Variants in WWOX observed in about 807,000 individuals in gnomAD.
WWOX encodes WW domain-containing oxidoreductase.
Under a neutral mutation model 46.2 loss-of-function variants are expected in WWOX, and 69 were observed. That is an observed-to-expected ratio of 1.49 (90% CI 1.23 to 1.82). WWOX has a LOEUF of 1.82. WWOX is among the 40% of genes most tolerant of loss of function. The pLI is 0.00. For missense variants in WWOX, 919 were observed against 542.6 expected, an observed-to-expected ratio of 1.69 and a Z score of -6.89; for synonymous variants, 359 against 202.6, an observed-to-expected ratio of 1.77 and a Z score of -6.56.
intron 8 of WWOX, among the ~76,000 whole-genome samples, chr16:78,699,454 T>C (rs753742580): frequency 6.6e-5 from 10 of 151,756 alleles, no homozygotes; most frequent in Non-Finnish European, 1.3e-4. Flanking sequence ...TGGGAAGATA[T>C]CCTGAGCCCA....
At chr16:78,157,153 G>C (rs978459987) in intron 4 of WWOX, among the ~76,000 whole-genome samples, 3 of 151,992 alleles carry the variant, frequency 2.0e-5, no homozygotes, top group Non-Finnish European at 2.9e-5. Flanking sequence ...ATTTCAAAGG[G>C]ACCCACAGTC....
At chr16:78,473,951 G>A (rs1169047331) in intron 8 of WWOX, among the ~76,000 whole-genome samples, 1 of 152,154 alleles carries the variant, frequency 6.6e-6, no homozygotes, top group African/African-American at 2.4e-5. Context: ...TTAATTCCTT[G>A]GAGGAACTTC....
intron 8 of WWOX, among the ~76,000 whole-genome samples, chr16:78,860,701 C>T (rs1454278244): frequency 3.3e-5 from 5 of 152,182 alleles, no homozygotes; most frequent in Non-Finnish European, 7.3e-5. Context: ...TTAGCAGTGC[C>T]AACATCCGCT....
chr16:78,566,751 C>G (rs1022248412), intron 8 of WWOX, among the ~76,000 whole-genome samples: 3 of 152,124 alleles, frequency 2.0e-5, no homozygotes, highest in Admixed American at 6.5e-5. Context: ...AGAATTCCTG[C>G]CAGAAAGGTG....
rs577414279 is a variant in WWOX at position 78,386,936 on chromosome 16, A to T, written c.593A>T (p.Lys198Met). The T allele has an allele frequency of 1.2e-6, 2 of 1,614,104 alleles. No homozygotes were observed. The highest frequency in any genetic ancestry group is 1.3e-5 in the African/African-American group (1 of 75,052). Residue 198 changes from lysine to methionine, a missense_variant, in exon 6 of 9, where the codon AAG becomes ATG. By Grantham distance (95) the Lys-to-Met change is moderately conservative. Coordinates refer to ENST00000566780, the MANE Select transcript of WWOX (RefSeq NM_016373.4). ...GTGCAGCATTTTGCTGAAGCATTCA[A>T]GGCCAAGAATGTGTGAGTGTTCCAG... ...RSVQHFAEAF[K>M]AKNVPLHVLV...
In WWOX at chr16:78,424,888, G is replaced by C. The variant is rs762427803; in HGVS notation, c.624G>C (p.Val208=). The part of the protein sequence containing the change: ...KAKNVPLHVL[V]CNAATFALPW... ...TTTTCAGGCCTCTTCATGTGCTTGT[G>C]TGCAACGCAGCAACTTTTGCTCTAC... The change falls in exon 7 of 9, where the codon GTG becomes GTC. Residue 208 remains valine (V), a synonymous_variant. Transcript: ENST00000566780. 8.1e-6 allele frequency: 13 copies of C among 1,614,100 alleles called. No homozygotes were observed. Among genetic ancestry groups the C allele is most frequent in the Non-Finnish European group, 1.1e-5 (13 of 1,180,030 alleles).
chr16:78,514,454 G>A (rs953557775), intron 8 of WWOX, among the ~76,000 whole-genome samples: 2 of 152,174 alleles, frequency 1.3e-5, no homozygotes, highest in Admixed American at 1.3e-4. Flanking sequence ...ATGTGTGGAG[G>A]TAAAAGCAGT....
chr16:79,093,129 A>G (rs143045373), intron 8 of WWOX, among the ~76,000 whole-genome samples: 1 of 152,372 alleles, frequency 6.6e-6, no homozygotes, highest in East Asian at 1.9e-4. Context: ...ACAAGTCTAC[A>G]TCAATGAAAA....
rs78796386 is a variant in WWOX, at chr16:78,639,176, G to C, written c.1056+206424G>C. On this transcript the variant is annotated intron_variant, in intron 8 of 8. Transcript: ENST00000566780. ...AACCAAAAGTCTGTTGAGTTTGGAA[G>C]ACTTGACTCCCAGGATGTACAAAGT... 5.5e-3 allele frequency among the ~76,000 whole-genome samples: 830 copies of C among 152,276 alleles called. 10 individuals are homozygous for C. The highest frequency in any genetic ancestry group is 9.2e-3 in the Non-Finnish European group (629 of 68,024).
rs5818138 is a variant in WWOX, at chr16:78,446,657, C to CTTT, written c.1056+13927_1056+13929dup. 7.5e-3 allele frequency among the ~76,000 whole-genome samples: 664 copies of CTTT among 88,056 alleles called. 10 individuals are homozygous for CTTT. The highest frequency in any genetic ancestry group is 0.012 in the African/African-American group (254 of 21,884). The allele number at this position is 88,056 out of a possible 152,430, so 57.8% of individuals were successfully genotyped here. A position where few individuals can be genotyped will look rare whatever the true frequency, so the allele number is the denominator to read the frequency against. The stretch of plus-strand genomic sequence containing the variant: ...CATCGAGTATAGTACCAAGTGTATA[C>CTTT]TTTTTTTTTTTTTTTTTTTTTTTTG... On this transcript the variant is annotated intron_variant, in intron 8 of 8. Coordinates refer to ENST00000566780, the MANE Select transcript of WWOX (RefSeq NM_016373.4).
intron 8 of WWOX, among the ~76,000 whole-genome samples, chr16:79,180,800 A>G (rs886103324): frequency 6.6e-6 from 1 of 152,176 alleles, no homozygotes; most frequent in Non-Finnish European, 1.5e-5. Context: ...CACTCTGAAT[A>G]GAAACCTAAT....
chr16:78,866,510 AAC>A (rs2044007124), intron 8 of WWOX, among the ~76,000 whole-genome samples: 1 of 152,160 alleles, frequency 6.6e-6, no homozygotes, highest in African/African-American at 2.4e-5. Context: ...TAAAACGAAG[AAC>A]AGTTGCTGAA....
At chr16:78,352,189 C>T (rs552979189) in intron 5 of WWOX, among the ~76,000 whole-genome samples, 1 of 152,340 alleles carries the variant, frequency 6.6e-6, no homozygotes, top group Non-Finnish European at 1.5e-5. Flanking sequence ...TCATTTTTCA[C>T]AGGAGCCAGA....
At chr16:78,702,782 C>T (rs1252470291) in intron 8 of WWOX, among the ~76,000 whole-genome samples, 1 of 152,132 alleles carries the variant, frequency 6.6e-6, no homozygotes, top group Non-Finnish European at 1.5e-5. Flanking sequence ...ACACCTCTTG[C>T]ATGTGTATTT....
chr16:78,194,020 G>A (rs868027271), intron 5 of WWOX, among the ~76,000 whole-genome samples: 2 of 151,206 alleles, frequency 1.3e-5, no homozygotes, highest in South Asian at 4.2e-4. Context: ...TGGGACTACA[G>A]GCGCCCACCA....
At chr16:78,540,448 A>G (rs578142408) in intron 8 of WWOX, among the ~76,000 whole-genome samples, 75 of 152,266 alleles carry the variant, frequency 4.9e-4, no homozygotes, top group Non-Finnish European at 1.0e-3. Flanking sequence ...GTCTCTTCTC[A>G]TGGGCATTAC....
intron 8 of WWOX, among the ~76,000 whole-genome samples, chr16:78,702,732 T>C (rs1288235614): frequency 1.3e-5 from 2 of 151,116 alleles, no homozygotes; most frequent in Non-Finnish European, 2.9e-5. Flanking sequence ...AGAACATGAA[T>C]TGAGAATGGA....
At chr16:78,586,661 C>T (rs1042880384) in intron 8 of WWOX, among the ~76,000 whole-genome samples, 4 of 152,158 alleles carry the variant, frequency 2.6e-5, no homozygotes, top group Non-Finnish European at 4.4e-5. Flanking sequence ...TATTAAGTGC[C>T]TGTTGAATGT....
At chr16:78,978,799 T>C (rs898389092) in intron 8 of WWOX, among the ~76,000 whole-genome samples, 16 of 152,174 alleles carry the variant, frequency 1.1e-4, no homozygotes, top group Admixed American at 2.6e-4. Context: ...AAATCATTTA[T>C]GAAGGGTTCA....
Sources: allele counts gnomAD v4.1 joint callset (sites outside exome capture counted in the v4.1 genomes callset), GRCh38; gene constraint gnomAD v4.1.1; transcripts MANE v1.5; gene names NCBI Gene and HGNC (gene_info 2026-07-23, HGNC 2026-07-21).